CDH1: variants seen among roughly 807,000 people sequenced by gnomAD.
CDH1 encodes the protein cadherin 1, also known as cadherin-1.
Under a neutral mutation model 84.5 loss-of-function variants are expected in CDH1, and 35 were observed. That is an observed-to-expected ratio of 0.41 (90% CI 0.32 to 0.55). The LOEUF (loss-of-function observed/expected upper bound fraction) is 0.55. Among genes scored for constraint, CDH1 ranks in the 20% least tolerant of loss-of-function variants. The pLI is 0.19. For missense variants in CDH1, 994 were observed against 1,126.6 expected (o/e 0.88, Z 1.68); for synonymous variants, 417 against 439.0 (o/e 0.95, Z 0.63).
chr16:68,825,886 A>G (rs1004941950), intron 13 of CDH1, among the ~76,000 whole-genome samples: 1 of 140,306 alleles, frequency 7.1e-6, no homozygotes, highest in African/African-American at 2.8e-5. Flanking sequence ...CTCAGATCTC[A>G]GGTCACTGCA....
rs549869252 is a variant in CDH1, at chr16:68,819,009, C to T, written c.1566-271C>T. On this transcript the variant is annotated intron_variant, in intron 10 of 15. Transcript: ENST00000261769. ...TAGCTGGGATTACAGGCGTGTGCCA[C>T]CACACCCAGCTAATTTTTGTATTTT... 8.6e-4 allele frequency among the ~76,000 whole-genome samples: 131 copies of T among 152,172 alleles called. 1 individual carries two copies. The highest frequency in any genetic ancestry group is 1.8e-3 in the Admixed American group (28 of 15,278).
chr16:68,791,914 A>C (rs1960218508), intron 2 of CDH1, among the ~76,000 whole-genome samples: 1 of 151,518 alleles, frequency 6.6e-6, no homozygotes, highest in Non-Finnish European at 1.5e-5. Context: ...ACGTCTGCCT[A>C]TGTATTTTGT....
At position 68,834,172 on chromosome 16, in the gene CDH1, T is replaced by G. The variant is rs1490640432; in HGVS notation, c.*673T>G. On this transcript the variant is annotated 3_prime_UTR_variant, in exon 16 of 16. Coordinates refer to ENST00000261769, the MANE Select transcript of CDH1 (RefSeq NM_004360.5). ...TCTCCCTGTGTTACCCAGGCTGGTC[T>G]CAAACTCCTGGGCTCAAGTGATCCT... 1 of 489,534 alleles carries G rather than the reference T, an allele frequency of 2.0e-6. No homozygotes were observed. The highest frequency in any genetic ancestry group is 4.0e-6 in the Non-Finnish European group (1 of 247,342). The allele number at this position is 489,534 out of a possible 1,614,324, so 30.3% of individuals were successfully genotyped here.
intron 12 of CDH1, chr16:68,822,796 C>A: frequency 4.1e-6 from 1 of 242,242 alleles, no homozygotes; most frequent in Non-Finnish European, 8.1e-6. Context: ...AAATGCAAAA[C>A]CAGTGTGGCG....
rs786201999 is a variant in CDH1, at chr16:68,829,660, G to A, written c.2302G>A (p.Asp768Asn). 1.9e-6 allele frequency: 3 copies of A among 1,613,958 alleles called. No individual in the cohort carries two copies. Among genetic ancestry groups the A allele is most frequent in the African/African-American group, 1.3e-5 (1 of 74,888 alleles). The change falls in exon 15 of 16, where the codon GAC (aspartate) becomes AAC (asparagine). Residue 768 changes from aspartate to asparagine, a missense_variant. Coordinates refer to ENST00000261769, the MANE Select transcript of CDH1 (RefSeq NM_004360.5). The stretch of plus-strand genomic sequence containing the variant: ...CAACCTTTTTTCTCCAAAGGACTTT[G>A]ACTTGAGCCAGCTGCACAGGGGCCT... Reference protein sequence around the residue: ...EGGGEEDQDFDLSQLHRGLDA... With the variant: ...EGGGEEDQDFNLSQLHRGLDA...
intron 2 of CDH1, among the ~76,000 whole-genome samples, chr16:68,755,149 T>C (rs1411294930): frequency 1.3e-5 from 2 of 151,854 alleles, no homozygotes; most frequent in Admixed American, 6.6e-5. Flanking sequence ...TAGTGGCATA[T>C]GCTTGTAGTC....
Position 68,834,566 on chromosome 16 carries a change from A to G in CDH1, c.*1067A>G. On this transcript the variant is annotated 3_prime_UTR_variant, in exon 16 of 16. Coordinates refer to ENST00000261769, the MANE Select transcript of CDH1 (RefSeq NM_004360.5). ...CTCCTGAATTCAGTTGCTTTGCCCA[A>G]GATAGGAGTTCTCTGATGCAGAAAT... is the stretch of plus-strand genomic sequence containing the variant. 1 of 247,386 alleles carries G rather than the reference A, an allele frequency of 4.0e-6. No homozygotes were observed. Among genetic ancestry groups the G allele is most frequent in the East Asian group, 6.2e-5 (1 of 16,182 alleles). The allele number at this position is 247,386 out of a possible 1,614,324, so 15.3% of individuals were successfully genotyped here.
intron 2 of CDH1, among the ~76,000 whole-genome samples, chr16:68,798,078 C>CA (rs71148950): frequency 0.016 from 2,242 of 139,122 alleles, 27 homozygotes; most frequent in South Asian, 0.095. Flanking sequence ...CACTCTGTCT[C>CA]AAAAAAAAAA....
In CDH1 at chr16:68,757,767, CTCCTTCCTTCCT is replaced by C. The variant is rs58548890; in HGVS notation, c.163+19370_163+19381del. Among the ~76,000 whole-genome samples, 28 of 148,034 alleles carry C rather than the reference CTCCTTCCTTCCT, an allele frequency of 1.9e-4. 1 individual carries two copies. The highest frequency in any genetic ancestry group is 6.7e-4 in the African/African-American group (27 of 40,184). On this transcript the variant is annotated intron_variant, in intron 2 of 15. Coordinates refer to ENST00000261769, the MANE Select transcript of CDH1 (RefSeq NM_004360.5). ...TCTCTCTCTTTTTCTTTCTCTCTCT[CTCCTTCCTTCCT>C]TCCTTCCTTCCTTTCTTTCTTTCTT...
intron 11 of CDH1, among the ~76,000 whole-genome samples, chr16:68,819,861 A>G (rs2152137299): frequency 6.6e-6 from 1 of 152,254 alleles, no homozygotes; most frequent in South Asian, 2.1e-4. Context: ...TGTTGCTGCA[A>G]AAGATTTCTC....
intron 2 of CDH1, among the ~76,000 whole-genome samples, chr16:68,769,039 C>T (rs1425600817): frequency 2.0e-5 from 3 of 152,084 alleles, no homozygotes; most frequent in East Asian, 1.9e-4. Flanking sequence ...GTCACTGTAC[C>T]GCCTACCCTG....
chr16:68,820,854 C>A (rs1269231387), intron 11 of CDH1, among the ~76,000 whole-genome samples: 1 of 151,932 alleles, frequency 6.6e-6, no homozygotes, highest in Non-Finnish European at 1.5e-5. Flanking sequence ...TGGCTTGAGG[C>A]CAGGAGTTCA....
intron 10 of CDH1, among the ~76,000 whole-genome samples, chr16:68,817,144 A>T (rs889678712): frequency 2.4e-4 from 36 of 152,090 alleles, no homozygotes; most frequent in African/African-American, 8.7e-4. Flanking sequence ...TCCTCCTTTG[A>T]TTTCTTAGTT....
chr16:68,768,777 GAAGT>G lies in CDH1; in HGVS notation c.163+30370_163+30373del, dbSNP rs1456732599. Among the ~76,000 whole-genome samples the G allele has an allele frequency of 4.6e-5, 7 of 152,206 alleles. No individual in the cohort carries two copies. The South Asian group carries it at 1.2e-3, about 27-fold the overall frequency. ...GAACATTTTTGTATACATCCTCCTA[GAAGT>G]AAGGTCTCTATTATTATCTTATATG... On this transcript the variant is annotated intron_variant, in intron 2 of 15. Transcript: ENST00000261769.
intron 6 of CDH1, among the ~76,000 whole-genome samples, chr16:68,811,152 C>T (rs140231690): frequency 0.057 from 8,611 of 152,050 alleles, 531 homozygotes; most frequent in African/African-American, 0.15. Flanking sequence ...AACCCCAGCA[C>T]TTTGGGAGGC....
chr16:68,790,424 G>A (rs1010232939), intron 2 of CDH1, among the ~76,000 whole-genome samples: 1 of 152,164 alleles, frequency 6.6e-6, no homozygotes, highest in Non-Finnish European at 1.5e-5. Flanking sequence ...CCACAGGAAT[G>A]TTTCCTGGGT....
chr16:68,751,714 A>T lies in CDH1; in HGVS notation c.163+13303A>T, dbSNP rs148900113. Among the ~76,000 whole-genome samples the T allele has an allele frequency of 8.0e-3, 1,199 of 150,294 alleles. 15 individuals are homozygous for T. Among genetic ancestry groups the T allele is most frequent in the African/African-American group, 0.028 (1,138 of 40,970 alleles). ...GACAGGGTTTTACCATGTTGGCCAG[A>T]CTGGTCTCAAACTCCTAACCTCAGG... On this transcript the variant is annotated intron_variant, in intron 2 of 15. Transcript: ENST00000261769.
Position 68,825,671 on chromosome 16 carries a change from G to A in CDH1, c.2164+2045G>A, listed in dbSNP as rs35290846. 2.3e-3 allele frequency among the ~76,000 whole-genome samples: 355 copies of A among 152,194 alleles called. 8 individuals are homozygous for A. Among genetic ancestry groups the A allele is most frequent in the Admixed American group, 0.017 (265 of 15,266 alleles). ...TGGCTTTATTGTGCCATGAGATTAG[G>A]TTAATTCATCATTGCCTTGGGCAGG... On this transcript the variant is annotated intron_variant, in intron 13 of 15. Coordinates refer to ENST00000261769, the MANE Select transcript of CDH1 (RefSeq NM_004360.5).
chr16:68,770,172 T>A (rs1235352321), intron 2 of CDH1, among the ~76,000 whole-genome samples: 1 of 152,130 alleles, frequency 6.6e-6, no homozygotes, highest in African/African-American at 2.4e-5. Flanking sequence ...TGGGGCCACC[T>A]GGCCTAGCCC....
Sources: allele counts gnomAD v4.1 joint callset (sites outside exome capture counted in the v4.1 genomes callset), GRCh38; gene constraint gnomAD v4.1.1; transcripts MANE v1.5; gene names NCBI Gene and HGNC (gene_info 2026-07-23, HGNC 2026-07-21).